Variants in TMEM129 observed in about 807,000 individuals in gnomAD.
TMEM129 encodes transmembrane protein 129, E3 ubiquitin ligase.
In TMEM129, 35 loss-of-function variants were observed where a neutral mutation model predicts 34.1. The ratio of observed to expected loss-of-function variants is 1.03; its 90% CI spans 0.78 to 1.36. The LOEUF (loss-of-function observed/expected upper bound fraction) is 1.36. Ranked by LOEUF, TMEM129 falls within the 40% of genes most tolerant of loss-of-function variation. The probability of loss-of-function intolerance (pLI) is 0.00; values close to 1 mark genes in which losing one functional copy is unlikely to be tolerated. For synonymous variants in TMEM129, 239 were observed against 217.3 expected (o/e 1.10, Z -0.88); for missense variants, 504 against 512.6 (o/e 0.98, Z 0.16).
At chr4:1,719,570 A>G (rs935363771) in intron 1 of TMEM129, among the ~76,000 whole-genome samples, 3 of 152,234 alleles carry the variant, frequency 2.0e-5, no homozygotes, top group Non-Finnish European at 4.4e-5. Flanking sequence ...TAAAGCTTGA[A>G]AACTTTCAAA....
chr4:1,720,542 G>C lies in TMEM129; in HGVS notation c.205+91C>G. The C allele has an allele frequency of 2.1e-6, 3 of 1,423,036 alleles. No individual in the cohort carries two copies. The highest frequency in any genetic ancestry group is 1.4e-5 in the South Asian group (1 of 71,102). 88.2% of individuals were successfully genotyped at this position (1,423,036 alleles called of 1,614,324 possible). A position where few individuals can be genotyped will look rare whatever the true frequency, so the allele number is the denominator to read the frequency against. On this transcript the variant is annotated intron_variant, in intron 1 of 3. Transcript: ENST00000382936. This position sits in a 1 kb window ranked among gnomAD's most constrained non-coding sequence, Gnocchi z 4.4. ...CCCCAGCTGCGCCCAGGCGCTTTCG[G>C]GGCCTCGGGGAGCTGGCGGAGGCCT... is the stretch of plus-strand genomic sequence containing the variant.
At position 1,720,864 on chromosome 4, in the gene TMEM129, C is replaced by T. The variant is rs1268789315; in HGVS notation, c.-27G>A. 4.5e-6 allele frequency: 7 copies of T among 1,551,770 alleles called. No homozygotes were observed. Among genetic ancestry groups the T allele is most frequent in the Middle Eastern group, 3.4e-4 (2 of 5,838 alleles). ...GCGCAGCCGCCGGGAAGCTGTCGAG[C>T]TAGGCCCCCGCCCCGGCGCGCGGAC... On this transcript the variant is annotated 5_prime_UTR_variant, in exon 1 of 4. Coordinates refer to ENST00000382936, the MANE Select transcript of TMEM129 (RefSeq NM_001127266.2). The surrounding 1 kb of genome is among the most constrained non-coding windows in gnomAD (Gnocchi z 4.4).
At position 1,716,440 on chromosome 4, in the gene TMEM129, G is replaced by A. The variant is rs889211403; in HGVS notation, c.*740C>T. On this transcript the variant is annotated 3_prime_UTR_variant, in exon 4 of 4. Transcript: ENST00000382936. ...GGACCCCTGGTGGGCTTGTGTTCTG[G>A]ATGTCGCTATGGCACTTTGGTCCTC... 1 of 152,438 alleles carries A rather than the reference G, an allele frequency of 6.6e-6. No individual in the cohort carries two copies. Among genetic ancestry groups the A allele is most frequent in the Non-Finnish European group, 1.5e-5 (1 of 68,220 alleles). 9.4% of individuals were successfully genotyped at this position (152,438 alleles called of 1,614,324 possible).
At position 1,718,384 on chromosome 4, in the gene TMEM129, G is replaced by C. The variant is rs370130679; in HGVS notation, c.448C>G (p.Arg150Gly). The change falls in exon 2 of 4, where the codon CGG becomes GGG. Residue 150 changes from arginine to glycine, a missense_variant. Coordinates refer to ENST00000382936, the MANE Select transcript of TMEM129 (RefSeq NM_001127266.2). ...AVASSVNTEF[R>G]RIDKFATGAP... ...CCGGTGGCAAACTTGTCAATCCGCC[G>C]GAACTCAGTGTTGACAGAGGAGGCA... 2 of 1,610,590 alleles carry C rather than the reference G, an allele frequency of 1.2e-6. No individual in the cohort carries two copies. The highest frequency in any genetic ancestry group is 4.5e-5 in the East Asian group (2 of 44,824).
At position 1,717,544 on chromosome 4, in the gene TMEM129, T is replaced by G. The variant is rs1577195559; in HGVS notation, c.812A>C (p.Asn271Thr). ...LETFASLVEVNPAYSVPSSQE... is the reference protein window; with the variant it reads ...LETFASLVEVTPAYSVPSSQE... ...GCTGCTGGGCACTGAGTAGGCCGGG[T>G]TGACCTCTACCAGGGAGGCAAATGT... The change falls in exon 3 of 4, where the codon AAC (asparagine) becomes ACC (threonine). Residue 271 changes from asparagine to threonine, a missense_variant. Coordinates refer to ENST00000382936, the MANE Select transcript of TMEM129 (RefSeq NM_001127266.2). The G allele has an allele frequency of 6.5e-7, 1 of 1,544,738 alleles. No individual in the cohort carries two copies. The highest frequency in any genetic ancestry group is 1.4e-5 in the African/African-American group (1 of 73,098).
At chr4:1,719,269 A>G (rs1294649914) in intron 1 of TMEM129, 1 of 456,820 alleles carries the variant, frequency 2.2e-6, no homozygotes, top group Admixed American at 2.3e-5. Context: ...ATAGGTAACT[A>G]GGGGCCGGGT....
At position 1,720,892 on chromosome 4, in the gene TMEM129, G is replaced by C; in HGVS notation, c.-55C>G. Reference sequence around the variant, plus strand: ...GGCCCCCGCCCCGGCGCGCGGACGAGGCCGCAGCGCCCAGTCCCGGACCTG... The same window carrying C: ...GGCCCCCGCCCCGGCGCGCGGACGACGCCGCAGCGCCCAGTCCCGGACCTG... On this transcript the variant is annotated 5_prime_UTR_variant, in exon 1 of 4. Coordinates refer to ENST00000382936, the MANE Select transcript of TMEM129 (RefSeq NM_001127266.2). The surrounding 1 kb of genome is among the most constrained non-coding windows in gnomAD (Gnocchi z 4.4). The C allele has an allele frequency of 6.6e-7, 1 of 1,516,186 alleles. No homozygotes were observed. The highest frequency in any genetic ancestry group is 8.9e-7 in the Non-Finnish European group (1 of 1,126,004). The allele number at this position is 1,516,186 out of a possible 1,614,324, so 93.9% of individuals were successfully genotyped here.
At chr4:1,719,273 G>A (rs1347993056) in intron 1 of TMEM129, 3 of 456,198 alleles carry the variant, frequency 6.6e-6, no homozygotes, top group East Asian at 1.4e-4. Context: ...GTAACTAGGG[G>A]CCGGGTGCAG....
rs374764521 is a variant in TMEM129 at position 1,718,227 on chromosome 4, T to A, written c.605A>T (p.Asp202Val). Reference sequence around the variant, plus strand: ...GAGGAGCTGCACGGGCAAGTTCGAGTCTGGCGAGAGCTCATGCTGCCGAGA... The same window carrying A: ...GAGGAGCTGCACGGGCAAGTTCGAGACTGGCGAGAGCTCATGCTGCCGAGA... ...TESRQHELSP[D>V]SNLPVQLLTI... Residue 202 changes from aspartate to valine, a missense_variant, in exon 2 of 4, where the codon GAC becomes GTC. Asp to Val is a radical substitution (Grantham distance 152). Coordinates refer to ENST00000382936, the MANE Select transcript of TMEM129 (RefSeq NM_001127266.2). The A allele has an allele frequency of 2.7e-5, 44 of 1,602,130 alleles. No individual in the cohort carries two copies. The highest frequency in any genetic ancestry group is 1.7e-4 in the Middle Eastern group (1 of 6,026).
Position 1,718,614 on chromosome 4 carries a change from C to A in TMEM129, c.218G>T (p.Gly73Val), listed in dbSNP as rs1164351052. 2.7e-6 allele frequency: 4 copies of A among 1,454,634 alleles called. No homozygotes were observed. Among genetic ancestry groups the A allele is most frequent in the South Asian group, 2.9e-5 (2 of 68,424 alleles). The allele number at this position is 1,454,634 out of a possible 1,614,324, so 90.1% of individuals were successfully genotyped here. Residue 73 changes from glycine (G) to valine (V), a missense_variant, in exon 2 of 4, where the codon GGC becomes GTC. Gly to Val is a moderately radical substitution (Grantham distance 109). Coordinates refer to ENST00000382936, the MANE Select transcript of TMEM129 (RefSeq NM_001127266.2). ...CTTTTCTGAAGCCGCAAGGCACATG[C>A]CCACATAGTAGCCTGCAAAGGACAG... Reference protein sequence around the residue: ...HSLLPLGYYVGMCLAASEKRL... With the variant: ...HSLLPLGYYVVMCLAASEKRL...
rs1291893180 is a variant in TMEM129, at chr4:1,718,312, C to T, written c.520G>A (p.Val174Ile). 1.2e-6 allele frequency: 2 copies of T among 1,613,472 alleles called. No homozygotes were observed. Among genetic ancestry groups the T allele is most frequent in the Non-Finnish European group, 1.7e-6 (2 of 1,179,932 alleles). ...GCCACGTGCACTCGGTAGGTGGTTACCTTCATCACCCACGTGTCTGTCACA... is the reference window on the plus strand; with the variant it reads ...GCCACGTGCACTCGGTAGGTGGTTATCTTCATCACCCACGTGTCTGTCACA... ...VIVTDTWVMK[V>I]TTYRVHVAQQ... is the part of the protein sequence containing the mutation. The change falls in exon 2 of 4, where the codon GTA becomes ATA. Residue 174 changes from valine (V) to isoleucine (I), a missense_variant. Val to Ile is a conservative substitution (Grantham distance 29). Coordinates refer to ENST00000382936, the MANE Select transcript of TMEM129 (RefSeq NM_001127266.2).
In TMEM129 at chr4:1,720,661, C is replaced by G. The variant is rs768558193; in HGVS notation, c.177G>C (p.Thr59=). ...VPFHLRRTAA[T]LLCHSLLPLG... is the part of the protein sequence containing the mutation. The stretch of plus-strand genomic sequence containing the variant: ...GCGGCAGCAGCGAGTGGCACAACAG[C>G]GTGGCGGCCGTGCGGCGCAAGTGGA... The change falls in exon 1 of 4, where the codon ACG becomes ACC. Residue 59 remains threonine, a synonymous_variant. Transcript: ENST00000382936. This position sits in a 1 kb window ranked among gnomAD's most constrained non-coding sequence, Gnocchi z 4.4. 8 of 1,546,314 alleles carry G rather than the reference C, an allele frequency of 5.2e-6. No individual in the cohort carries two copies. The highest frequency in any genetic ancestry group is 1.2e-5 in the South Asian group (1 of 84,054).
intron 2 of TMEM129, 193 bp from the exon 3 acceptor site, chr4:1,717,868 G>C (rs898993519): frequency 1.3e-6 from 1 of 782,906 alleles, no homozygotes; most frequent in Non-Finnish European, 2.0e-6. Context: ...CAAGGCAGCT[G>C]TCCAGCCTGA....
chr4:1,717,311 G>C lies in TMEM129; in HGVS notation c.958C>G (p.Leu320Val). The C allele has an allele frequency of 6.5e-7, 1 of 1,535,212 alleles. No individual in the cohort carries two copies. The highest frequency in any genetic ancestry group is 8.8e-7 in the Non-Finnish European group (1 of 1,135,594). The change falls in exon 4 of 4, where the codon CTC (leucine) becomes GTC (valine). Residue 320 changes from leucine (L) to valine (V), a missense_variant. Leu to Val is a conservative substitution (Grantham distance 32, BLOSUM62 1). Coordinates refer to ENST00000382936, the MANE Select transcript of TMEM129 (RefSeq NM_001127266.2). ...QQCYCRPMWC[L>V]TCMGKWFASR... ...GCGAACCACTTGCCCATGCAGGTGA[G>C]GCACCACATGGGGCGGCAGTAACAC...
chr4:1,718,237 G>A lies in TMEM129; in HGVS notation c.595C>T (p.Leu199Phe). Residue 199 changes from leucine to phenylalanine, a missense_variant, in exon 2 of 4, where the codon CTC (leucine) becomes TTC (phenylalanine). Leu to Phe is a conservative substitution (Grantham distance 22). Coordinates refer to ENST00000382936, the MANE Select transcript of TMEM129 (RefSeq NM_001127266.2). The stretch of plus-strand genomic sequence containing the variant: ...ACGGGCAAGTTCGAGTCTGGCGAGA[G>A]CTCATGCTGCCGAGACTCCGTCACA... ...LTVTESRQHE[L>F]SPDSNLPVQL... 6.2e-7 allele frequency: 1 copy of A among 1,605,926 alleles called. No homozygotes were observed. The highest frequency in any genetic ancestry group is 2.2e-5 in the East Asian group (1 of 44,512).
intron 2 of TMEM129, 152 bp from the exon 3 acceptor site, chr4:1,717,827 GC>G: frequency 8.6e-7 from 1 of 1,167,606 alleles, no homozygotes; most frequent in Non-Finnish European, 1.2e-6. Context: ...GTGCCAGACA[GC>G]CCAGCCTGGG....
intron 2 of TMEM129, 147 bp from the exon 3 acceptor site, chr4:1,717,822 A>G: frequency 8.3e-7 from 1 of 1,201,384 alleles, no homozygotes; most frequent in Non-Finnish European, 1.1e-6. Context: ...ACCCAGTGCC[A>G]GACAGCCCAG....
Position 1,720,614 on chromosome 4 carries a change from C to T in TMEM129, c.205+19G>A. On this transcript the variant is annotated intron_variant, in intron 1 of 3. Transcript: ENST00000382936. The surrounding 1 kb of genome is among the most constrained non-coding windows in gnomAD (Gnocchi z 4.4). Reference sequence around the variant, plus strand: ...CCTGCGCAGGAGAGGATGCGGCCGGCCGGCCCGAGCAGCCTCACCGAGCGG... The same window carrying T: ...CCTGCGCAGGAGAGGATGCGGCCGGTCGGCCCGAGCAGCCTCACCGAGCGG... The T allele has an allele frequency of 6.5e-7, 1 of 1,531,110 alleles. No homozygotes were observed. Among genetic ancestry groups the T allele is most frequent in the Non-Finnish European group, 8.8e-7 (1 of 1,142,468 alleles). The allele number at this position is 1,531,110 out of a possible 1,614,324, so 94.8% of individuals were successfully genotyped here.
rs1189351244 is a variant in TMEM129 at position 1,717,329 on chromosome 4, A to T, written c.940T>A (p.Cys314Ser). The T allele has an allele frequency of 8.5e-6, 13 of 1,537,608 alleles. No homozygotes were observed. The highest frequency in any genetic ancestry group is 1.1e-5 in the Non-Finnish European group (13 of 1,137,086). ...AATGECQQCY[C>S]RPMWCLTCMG... ...CAGGTGAGGCACCACATGGGGCGGC[A>T]GTAACACTGCTGGCACTCGCCTGTG... The change falls in exon 4 of 4, where the codon TGC (cysteine) becomes AGC (serine). Residue 314 changes from cysteine to serine, a missense_variant. Transcript: ENST00000382936.
Sources: gnomAD v4.1 joint callset for allele counts (sites outside exome capture counted in the v4.1 genomes callset) on GRCh38, gnomAD v4.1.1 for gene constraint, Gnocchi (gnomAD v3.1) non-coding constraint, MANE v1.5 for transcripts, NCBI Gene and HGNC (gene_info 2026-07-23, HGNC 2026-07-21) for gene names.